The following HNF4A variants were observed in gnomAD, a reference collection of about 807,000 sequenced individuals.
The protein encoded by HNF4A is hepatocyte nuclear factor 4-alpha.
Under a neutral mutation model 52.4 loss-of-function variants are expected in HNF4A, and 15 were observed. The ratio of observed to expected loss-of-function variants is 0.29; its 90% CI spans 0.19 to 0.44. The LOEUF is 0.44. Among genes scored for constraint, HNF4A ranks in the 20% least tolerant of loss-of-function variants. HNF4A has a pLI of 1.00. For synonymous variants in HNF4A, 280 were observed against 264.4 expected, an observed-to-expected ratio of 1.06 and a Z score of -0.57; for missense variants, 479 against 647.2, an observed-to-expected ratio of 0.74 and a Z score of 2.82.
intron 3 of HNF4A, among the ~76,000 whole-genome samples, chr20:44,412,418 A>T (rs2063597802): frequency 6.6e-6 from 1 of 152,298 alleles, no homozygotes; most frequent in African/African-American, 2.4e-5. Context: ...TGTGCAGGAA[A>T]GGGAACCCCA....
At chr20:44,362,523 G>A (rs1300461940) in intron 1 of HNF4A, among the ~76,000 whole-genome samples, 1 of 150,628 alleles carries the variant, frequency 6.6e-6, no homozygotes, top group African/African-American at 2.4e-5. Flanking sequence ...ATGGGTCAAT[G>A]ATAACGAAAG....
chr20:44,396,117 G>C (rs1385237199), intron 1 of HNF4A, among the ~76,000 whole-genome samples: 1 of 152,262 alleles, frequency 6.6e-6, no homozygotes, highest in African/African-American at 2.4e-5. Context: ...GCGTAGAGGG[G>C]TGAAGCCCTC....
At chr20:44,413,831 G>T in intron 4 of HNF4A, 31 bp downstream of exon 4, 1 of 1,452,224 alleles carries the variant, frequency 6.9e-7, no homozygotes, top group Non-Finnish European at 9.6e-7. Flanking sequence ...CCCACCCAGG[G>T]ATCCCCCACA....
At chr20:44,420,020 G>A in intron 7 of HNF4A, 144 bp downstream of exon 7, 1 of 867,104 alleles carries the variant, frequency 1.2e-6, no homozygotes, top group South Asian at 1.4e-5. Flanking sequence ...TTTAACAGAT[G>A]AGGCAAGTCA....
Position 44,432,321 on chromosome 20 carries a change from GATATTAGAAA to G in HNF4A, c.*2659_*2668del. 7.1e-6 allele frequency: 1 copy of G among 140,138 alleles called. No homozygotes were observed. The highest frequency in any genetic ancestry group is 2.6e-5 in the African/African-American group (1 of 38,648). 8.7% of individuals were successfully genotyped at this position (140,138 alleles called of 1,614,324 possible). On this transcript the variant is annotated 3_prime_UTR_variant, in exon 10 of 10. Transcript: ENST00000316099. Reference sequence around the variant, plus strand: ...TACTTTTTTGACTCTAAGCTGACATGATATTAGAAAATCTCTCGCTCTCTTTTTTTTTTTT... The same window carrying G: ...TACTTTTTTGACTCTAAGCTGACATGATCTCTCGCTCTCTTTTTTTTTTTT...
rs370576653 is a variant in HNF4A at position 44,432,338 on chromosome 20, C to T, written c.*2673C>T. 8.1e-5 allele frequency: 11 copies of T among 135,966 alleles called. No individual in the cohort carries two copies. The highest frequency in any genetic ancestry group is 3.0e-4 in the African/African-American group (11 of 36,830). 8.4% of individuals were successfully genotyped at this position (135,966 alleles called of 1,614,324 possible). A position where few individuals can be genotyped will look rare whatever the true frequency, so the allele number is the denominator to read the frequency against. ...GCTGACATGATATTAGAAAATCTCT[C>T]GCTCTCTTTTTTTTTTTTTTTTTTT... On this transcript the variant is annotated 3_prime_UTR_variant, in exon 10 of 10. Coordinates refer to ENST00000316099, the MANE Select transcript of HNF4A (RefSeq NM_000457.6).
chr20:44,362,418 T>TA (rs36103037), intron 1 of HNF4A, among the ~76,000 whole-genome samples: 3,287 of 104,078 alleles, frequency 0.032, 68 homozygotes, highest in African/African-American at 0.059. Flanking sequence ...AAACTTGTCT[T>TA]AAAAAAAAAA....
At chr20:44,378,171 T>TTG (rs886287643) in intron 1 of HNF4A, among the ~76,000 whole-genome samples, 4 of 152,192 alleles carry the variant, frequency 2.6e-5, no homozygotes, top group Admixed American at 6.6e-5. Context: ...ATGAGTGTGC[T>TTG]TGTTTGTATC....
chr20:44,414,911 G>A (rs2063641782), intron 5 of HNF4A, among the ~76,000 whole-genome samples: 1 of 152,176 alleles, frequency 6.6e-6, no homozygotes, highest in African/African-American at 2.4e-5. Context: ...AGGAGATTGG[G>A]GCACAGAGAG....
upstream of HNF4A, among the ~76,000 whole-genome samples, chr20:44,397,045 A>G (rs1218501307): frequency 2.0e-5 from 3 of 152,230 alleles, no homozygotes; most frequent in East Asian, 1.9e-4. Context: ...CCTTGTGCAG[A>G]CAGCTGGCCC....
At position 44,388,101 on chromosome 20, in the gene HNF4A, T is replaced by A. The variant is rs937682395; in HGVS notation, c.50-17957T>A. Among the ~76,000 whole-genome samples the A allele has an allele frequency of 4.0e-4, 50 of 124,304 alleles. 1 individual carries two copies. Among genetic ancestry groups the A allele is most frequent in the Non-Finnish European group, 5.4e-4 (33 of 60,872 alleles). 81.5% of individuals were successfully genotyped at this position (124,304 alleles called of 152,430 possible). A position where few individuals can be genotyped will look rare whatever the true frequency, so the allele number is the denominator to read the frequency against. On this transcript the variant is annotated intron_variant, in intron 1 of 9. Coordinates refer to the HNF4A transcript ENST00000316673. ...ATATCCACACATTAATTTTTTTTTT[T>A]AAATTGAGACAGAGTCTCACTCTAT...
upstream of HNF4A, among the ~76,000 whole-genome samples, chr20:44,396,394 C>T (rs1300318408): frequency 2.6e-5 from 4 of 152,076 alleles, no homozygotes; most frequent in Non-Finnish European, 5.9e-5. Flanking sequence ...TCCCTTACCA[C>T]CGTCCACAGC....
At chr20:44,357,828 T>C (rs540796306) in intron 1 of HNF4A, among the ~76,000 whole-genome samples, 1 of 149,724 alleles carries the variant, frequency 6.7e-6, no homozygotes, top group South Asian at 2.1e-4. Flanking sequence ...AAGAAAAAAC[T>C]AAGGTTCAAG....
chr20:44,421,132 TTA>T (rs141395657), intron 7 of HNF4A, among the ~76,000 whole-genome samples: 3,067 of 152,250 alleles, frequency 0.02, 100 homozygotes, highest in African/African-American at 0.071. Flanking sequence ...CTGTTGCAAG[TTA>T]TGTGCTTTTA....
In HNF4A at chr20:44,395,616, C is replaced by T. The variant is rs117287810; in HGVS notation, c.50-10442C>T. On this transcript the variant is annotated intron_variant, in intron 1 of 9. Coordinates refer to the HNF4A transcript ENST00000316673. ...CCCCCTGTCCCTGGACCTTGGAAGC[C>T]GCTAAAGGAAGCAGCAAGACCAGGC... is the stretch of plus-strand genomic sequence containing the variant. 986 of 152,374 alleles carry T rather than the reference C, an allele frequency of 6.5e-3. 7 individuals carry two copies. Among genetic ancestry groups the T allele is most frequent in the Non-Finnish European group, 0.01 (700 of 68,140 alleles). 9.4% of individuals were successfully genotyped at this position (152,374 alleles called of 1,614,324 possible). A position where few individuals can be genotyped will look rare whatever the true frequency, so the allele number is the denominator to read the frequency against.
Position 44,418,491 on chromosome 20 carries a change from T to G in HNF4A, c.715T>G (p.Phe239Val). Reference sequence around the variant, plus strand: ...CGGAGCCACCAAGAGATCCATGGTGTTCAAGGACGTGCTGCTCCTAGGTGA... The same window carrying G: ...CGGAGCCACCAAGAGATCCATGGTGGTCAAGGACGTGCTGCTCCTAGGTGA... The change falls in exon 6 of 10, where the codon TTC becomes GTC. Residue 239 changes from phenylalanine (F) to valine (V), a missense_variant. Around this residue, in one of 3 missense-constraint regions of HNF4A, gnomAD observed 389 missense variants for 525.1 expected, o/e 0.74. Coordinates refer to ENST00000316099, the MANE Select transcript of HNF4A (RefSeq NM_000457.6). The G allele has an allele frequency of 6.2e-7, 1 of 1,613,006 alleles. No individual in the cohort carries two copies. The highest frequency in any genetic ancestry group is 8.5e-7 in the Non-Finnish European group (1 of 1,179,816).
chr20:44,408,161 A>G (rs1441093539), intron 3 of HNF4A: 1 of 158,004 alleles, frequency 6.3e-6, no homozygotes, highest in Non-Finnish European at 1.4e-5. Context: ...ACAACCCTAT[A>G]TGGGAAAATG....
At chr20:44,360,617 G>A (rs1258937838) in intron 1 of HNF4A, among the ~76,000 whole-genome samples, 1 of 152,184 alleles carries the variant, frequency 6.6e-6, no homozygotes, top group Non-Finnish European at 1.5e-5. Flanking sequence ...TGGAATAGCA[G>A]CATCTTCAAG....
chr20:44,410,838 C>T (rs911497850), intron 3 of HNF4A, among the ~76,000 whole-genome samples: 3 of 152,044 alleles, frequency 2.0e-5, no homozygotes, highest in African/African-American at 7.2e-5. Flanking sequence ...TGGAGTGAAA[C>T]TTGCAGTGAT....
Sources: allele counts gnomAD v4.1 joint callset (sites outside exome capture counted in the v4.1 genomes callset), GRCh38; gene constraint gnomAD v4.1.1; regional missense constraint gnomAD v4.1.1; transcripts MANE v1.5; gene names NCBI Gene and HGNC (gene_info 2026-07-23, HGNC 2026-07-21).